ZNF385D: variants seen among roughly 807,000 people sequenced by gnomAD.
The protein encoded by ZNF385D is zinc finger protein 659.
ZNF385D carries 15 observed loss-of-function variants against 35.8 expected under a neutral mutation model. The ratio of observed to expected loss-of-function variants is 0.42; its 90% CI spans 0.28 to 0.64. The LOEUF (loss-of-function observed/expected upper bound fraction) is 0.64, where lower values mean the gene tolerates loss of function less well. Ranked by LOEUF, ZNF385D falls within the 30% of genes least tolerant of loss-of-function variation. The pLI is 0.23. For synonymous variants in ZNF385D, 212 were observed against 186.8 expected (o/e 1.13, Z -1.10); for missense variants, 474 against 494.6 (o/e 0.96, Z 0.39).
At chr3:22,047,533 A>C (rs886695514) in intron 3 of ZNF385D, among the ~76,000 whole-genome samples, 1 of 152,134 alleles carries the variant, frequency 6.6e-6, no homozygotes, top group Non-Finnish European at 1.5e-5. Flanking sequence ...TTCACTTAAC[A>C]TAATGTGCTC....
intron 1 of ZNF385D, among the ~76,000 whole-genome samples, chr3:21,704,269 G>C (rs1037747397): frequency 1.3e-5 from 2 of 151,982 alleles, no homozygotes; most frequent in South Asian, 4.1e-4. Flanking sequence ...TGTTCTTCAG[G>C]ATTCTACTCA....
Position 21,974,090 on chromosome 3 carries a change from C to G in ZNF385D, c.325+194727G>C, listed in dbSNP as rs147984506. 9.7e-3 allele frequency among the ~76,000 whole-genome samples: 1,467 copies of G among 151,910 alleles called. 29 individuals are homozygous for G. Among genetic ancestry groups the G allele is most frequent in the African/African-American group, 0.032 (1,336 of 41,464 alleles). ...CATAATCCTAAAATGTATATGGAAC[C>G]ACAAAAGTCCCAGAATAGACAAAGC... On this transcript the variant is annotated intron_variant, in intron 3 of 5. Coordinates refer to the ZNF385D transcript ENST00000494108.
At chr3:21,428,628 A>C (rs1403482664) in intron 5 of ZNF385D, among the ~76,000 whole-genome samples, 1 of 151,848 alleles carries the variant, frequency 6.6e-6, no homozygotes, top group African/African-American at 2.4e-5. Context: ...GAATGGTGAC[A>C]CTTTGCGAAG....
intron 3 of ZNF385D, among the ~76,000 whole-genome samples, chr3:22,027,476 T>A (rs1250996459): frequency 6.6e-6 from 1 of 152,164 alleles, no homozygotes; most frequent in East Asian, 1.9e-4. Flanking sequence ...TGAATCACAG[T>A]GGAGGCCTCT....
At chr3:21,553,696 A>G (rs146857004) in intron 3 of ZNF385D, among the ~76,000 whole-genome samples, 30 of 152,308 alleles carry the variant, frequency 2.0e-4, no homozygotes, top group African/African-American at 5.5e-4. Flanking sequence ...ATTGGGGTCA[A>G]TCCTCCCAAA....
chr3:22,206,935 G>C (rs1342874232), intron 2 of ZNF385D, among the ~76,000 whole-genome samples: 1 of 151,632 alleles, frequency 6.6e-6, no homozygotes, highest in Admixed American at 6.6e-5. Context: ...AAATGAAATT[G>C]AAACAAAAAA....
At chr3:21,707,756 G>A (rs1320435006) in intron 1 of ZNF385D, among the ~76,000 whole-genome samples, 1 of 152,122 alleles carries the variant, frequency 6.6e-6, no homozygotes, top group Non-Finnish European at 1.5e-5. Context: ...TAATGCTCTT[G>A]GTTAATATTT....
At chr3:21,464,427 A>T (rs1703372959) in intron 4 of ZNF385D, among the ~76,000 whole-genome samples, 1 of 152,120 alleles carries the variant, frequency 6.6e-6, no homozygotes, top group African/African-American at 2.4e-5. Context: ...CTGCTTTCTC[A>T]ATCTTTTGTC....
rs1965282 is a variant in ZNF385D, at chr3:22,090,003, T to G, written c.325+78814A>C. ...ACAGGCGCGTGCCACCATGCCAGTC[T>G]AATTTTTTTGCATTTTAGTAGAGAC... On this transcript the variant is annotated intron_variant, in intron 3 of 5. Transcript: ENST00000494108. Among the ~76,000 whole-genome samples, 1,313 of 152,184 alleles carry G rather than the reference T, an allele frequency of 8.6e-3. 16 individuals carry two copies. The highest frequency in any genetic ancestry group is 0.03 in the African/African-American group (1,249 of 41,520).
At chr3:22,043,349 T>A (rs1214983826) in intron 3 of ZNF385D, among the ~76,000 whole-genome samples, 1 of 152,158 alleles carries the variant, frequency 6.6e-6, no homozygotes, top group Non-Finnish European at 1.5e-5. Flanking sequence ...TGGCCCAGAT[T>A]CTAAACTGTT....
chr3:21,740,226 T>A (rs919008430), intron 1 of ZNF385D, among the ~76,000 whole-genome samples: 2 of 152,168 alleles, frequency 1.3e-5, no homozygotes, highest in African/African-American at 4.8e-5. Flanking sequence ...AACTTAGACC[T>A]GATTTCCCAC....
chr3:21,760,189 G>C (rs910980674), intron 3 of ZNF385D, among the ~76,000 whole-genome samples: 4 of 152,218 alleles, frequency 2.6e-5, no homozygotes, highest in African/African-American at 9.6e-5. Flanking sequence ...AAAATGACCG[G>C]ATGCCATTTT....
At chr3:22,193,017 C>A (rs558815958) in intron 2 of ZNF385D, among the ~76,000 whole-genome samples, 2 of 152,262 alleles carry the variant, frequency 1.3e-5, no homozygotes, top group Non-Finnish European at 2.9e-5. Context: ...CATGACTCCA[C>A]GGTTCCTAGT....
intron 3 of ZNF385D, among the ~76,000 whole-genome samples, chr3:21,898,476 G>A (rs1699246733): frequency 6.6e-6 from 1 of 151,976 alleles, no homozygotes; most frequent in Non-Finnish European, 1.5e-5. Flanking sequence ...TTTTTTCTAT[G>A]TATAGTTCTG....
At chr3:21,696,191 G>T (rs2067463628) in intron 1 of ZNF385D, among the ~76,000 whole-genome samples, 1 of 152,178 alleles carries the variant, frequency 6.6e-6, no homozygotes, top group African/African-American at 2.4e-5. Flanking sequence ...GATCAGTCAG[G>T]ATGTTTAAAA....
chr3:22,141,259 C>G (rs528610508), intron 3 of ZNF385D, among the ~76,000 whole-genome samples: 4 of 151,390 alleles, frequency 2.6e-5, no homozygotes, highest in Admixed American at 1.3e-4. Context: ...GCATTGTTCC[C>G]AATGCAATAT....
chr3:21,837,448 C>T (rs991318047), intron 3 of ZNF385D, among the ~76,000 whole-genome samples: 6 of 152,010 alleles, frequency 3.9e-5, no homozygotes, highest in Non-Finnish European at 7.4e-5. Flanking sequence ...TTTCTACATC[C>T]CAGGCTTCTT....
At chr3:21,608,960 A>G (rs1341968505) in intron 2 of ZNF385D, among the ~76,000 whole-genome samples, 1 of 152,228 alleles carries the variant, frequency 6.6e-6, no homozygotes, top group African/African-American at 2.4e-5. Flanking sequence ...TGTTGTCAAT[A>G]ATAAGTCAGA....
chr3:22,065,334 A>T (rs1466850678), intron 3 of ZNF385D, among the ~76,000 whole-genome samples: 1 of 152,218 alleles, frequency 6.6e-6, no homozygotes, highest in Non-Finnish European at 1.5e-5. Flanking sequence ...AGATGTCTGC[A>T]AAGCTGCAAA....
Sources: allele counts gnomAD v4.1 joint callset (sites outside exome capture counted in the v4.1 genomes callset), GRCh38; gene constraint gnomAD v4.1.1; transcripts MANE v1.5; gene names NCBI Gene and HGNC (gene_info 2026-07-23, HGNC 2026-07-21).